The following SGCD variants were observed in gnomAD, a reference collection of about 807,000 sequenced individuals.
The protein encoded by SGCD is sarcoglycan delta, also known as delta-sarcoglycan.
SGCD carries 18 observed loss-of-function variants against 36.6 expected under a neutral mutation model. The ratio of observed to expected loss-of-function variants is 0.49; its 90% CI spans 0.34 to 0.73. The LOEUF (loss-of-function observed/expected upper bound fraction) is 0.73, where lower values mean the gene tolerates loss of function less well. SGCD is among the 30% of genes least tolerant of loss of function. The pLI, the probability that SGCD is intolerant of heterozygous loss-of-function variation, is 0.01. For synonymous variants in SGCD, 133 were observed against 130.6 expected, an observed-to-expected ratio of 1.02 and a Z score of -0.12; for missense variants, 387 against 346.7, an observed-to-expected ratio of 1.12 and a Z score of -0.92.
chr5:156,027,016 C>T (rs1011439033), intron 1 of SGCD, among the ~76,000 whole-genome samples: 1 of 152,158 alleles, frequency 6.6e-6, no homozygotes, highest in Non-Finnish European at 1.5e-5. Flanking sequence ...TGATAGTTTG[C>T]AGACTGTTAG....
chr5:155,829,952 C>T, the SGCD span, among the ~76,000 whole-genome samples: 4 of 152,210 alleles, frequency 2.6e-5, no homozygotes, highest in South Asian at 2.1e-4. Context: ...AATTAGTGAT[C>T]CCTCATTTAA....
At chr5:156,557,124 T>G (rs1561776629) in intron 4 of SGCD, among the ~76,000 whole-genome samples, 3 of 152,194 alleles carry the variant, frequency 2.0e-5, no homozygotes, top group Non-Finnish European at 2.9e-5. Flanking sequence ...GCTGTGAATT[T>G]TCCATCTGCA....
At chr5:156,210,163 G>A (rs894124852) in intron 3 of SGCD, among the ~76,000 whole-genome samples, 2 of 152,136 alleles carry the variant, frequency 1.3e-5, no homozygotes, top group Admixed American at 6.5e-5. Context: ...GACCCAGGTA[G>A]CAAACCCACC....
chr5:155,952,310 A>G (rs1481148438), intron 1 of SGCD, among the ~76,000 whole-genome samples: 1 of 152,064 alleles, frequency 6.6e-6, no homozygotes, highest in Non-Finnish European at 1.5e-5. Flanking sequence ...ACTGACATGC[A>G]TTATACTGCG....
chr5:156,123,674 T>C (rs1762102515), intron 2 of SGCD, among the ~76,000 whole-genome samples: 1 of 152,166 alleles, frequency 6.6e-6, no homozygotes, highest in Admixed American at 6.5e-5. Context: ...AATTTTTTTT[T>C]GGTATGATTC....
chr5:156,381,197 A>T (rs1193901550), intron 3 of SGCD, among the ~76,000 whole-genome samples: 1 of 152,206 alleles, frequency 6.6e-6, no homozygotes, highest in African/African-American at 2.4e-5. Context: ...CTTTAAATAA[A>T]AGGAATGAGG....
chr5:155,837,300 G>T, the SGCD span, among the ~76,000 whole-genome samples: 1 of 152,020 alleles, frequency 6.6e-6, no homozygotes, highest in Non-Finnish European at 1.5e-5. Context: ...TGGGACTGCA[G>T]GTGCCCACCA....
At chr5:156,538,055 A>G (rs55944369) in intron 4 of SGCD, among the ~76,000 whole-genome samples, 1,967 of 151,966 alleles carry the variant, frequency 0.013, 23 homozygotes, top group Non-Finnish European at 0.019. Flanking sequence ...TTAGTGATAA[A>G]TCCTTCTTGG....
At chr5:156,073,104 G>A (rs764473123) in intron 1 of SGCD, among the ~76,000 whole-genome samples, 1 of 152,016 alleles carries the variant, frequency 6.6e-6, no homozygotes, top group Non-Finnish European at 1.5e-5. Flanking sequence ...GAGTAGTTTG[G>A]TCATCTGAAG....
chr5:156,094,334 C>T (rs1177901111), intron 1 of SGCD, among the ~76,000 whole-genome samples: 1 of 152,144 alleles, frequency 6.6e-6, no homozygotes, highest in Non-Finnish European at 1.5e-5. Context: ...GTGAGATCTT[C>T]CTCATCTTTT....
chr5:155,850,398 TAGAGACAG>T, the SGCD span, among the ~76,000 whole-genome samples: 1 of 151,488 alleles, frequency 6.6e-6, no homozygotes, highest in Non-Finnish European at 1.5e-5. Context: ...GACCTCAAAA[TAGAGACAG>T]AGAGACAGAG....
chr5:156,144,493 G>A (rs1393247433), intron 3 of SGCD, among the ~76,000 whole-genome samples: 1 of 152,126 alleles, frequency 6.6e-6, no homozygotes, highest in Admixed American at 6.5e-5. Flanking sequence ...GGCCAGTGAT[G>A]GTGAGCATTT....
At chr5:156,228,100 A>T (rs1442581283) in intron 3 of SGCD, among the ~76,000 whole-genome samples, 1 of 152,150 alleles carries the variant, frequency 6.6e-6, no homozygotes, top group Admixed American at 6.6e-5. Flanking sequence ...GTGCTGTTGA[A>T]TAGAATGTAT....
rs188322761 is a variant in SGCD, at chr5:155,942,403, A to T, written c.-282+71979A>T. Among the ~76,000 whole-genome samples the T allele has an allele frequency of 1.9e-3, 294 of 151,910 alleles. 3 individuals are homozygous for T. Among genetic ancestry groups the T allele is most frequent in the African/African-American group, 6.8e-3 (282 of 41,406 alleles). On this transcript the variant is annotated intron_variant, in intron 1 of 9. Transcript: ENST00000517913. Reference sequence around the variant, plus strand: ...TACCTAATCAATCACGTGGGCTAAAACCCTCAATCTTTCTGGCATGAGGAA... The same window carrying T: ...TACCTAATCAATCACGTGGGCTAAATCCCTCAATCTTTCTGGCATGAGGAA...
At chr5:156,254,927 G>A (rs944924444) in intron 3 of SGCD, among the ~76,000 whole-genome samples, 1 of 152,090 alleles carries the variant, frequency 6.6e-6, no homozygotes, top group African/African-American at 2.4e-5. Context: ...TCCCCAGTCT[G>A]AAAATTTGAA....
At chr5:156,080,786 A>T (rs868636196) in intron 1 of SGCD, among the ~76,000 whole-genome samples, 2 of 152,182 alleles carry the variant, frequency 1.3e-5, no homozygotes, top group Non-Finnish European at 2.9e-5. Context: ...GTCGATATTT[A>T]TATCAATATT....
At chr5:156,058,702 G>T (rs79164104) in intron 1 of SGCD, among the ~76,000 whole-genome samples, 2,615 of 146,606 alleles carry the variant, frequency 0.018, 220 homozygotes, top group African/African-American at 0.054. Context: ...CATTAAGTTT[G>T]TAGATGAAAT....
rs2113372848 is a variant in SGCD at position 155,919,992 on chromosome 5, C to A, written c.-282+49568C>A. Among the ~76,000 whole-genome samples the A allele has an allele frequency of 1.3e-5, 2 of 152,196 alleles. 1 individual carries two copies. The highest frequency in any genetic ancestry group is 4.8e-5 in the African/African-American group (2 of 41,548). On this transcript the variant is annotated intron_variant, in intron 1 of 9. Coordinates refer to the SGCD transcript ENST00000517913. ...TAGCCTTTCTCACAGGATGGCATAC[C>A]TACAAAATGAAAATATTGCATGACA...
intron 3 of SGCD, among the ~76,000 whole-genome samples, chr5:156,255,469 T>A (rs2127662841): frequency 6.6e-6 from 1 of 152,336 alleles, no homozygotes; most frequent in South Asian, 2.1e-4. Flanking sequence ...ACAATGTGCA[T>A]AAAAGTTGGA....
Sources: allele counts gnomAD v4.1 joint callset (sites outside exome capture counted in the v4.1 genomes callset), GRCh38; gene constraint gnomAD v4.1.1; transcripts MANE v1.5; gene names NCBI Gene and HGNC (gene_info 2026-07-23, HGNC 2026-07-21).